Variants in FANCI observed in about 807,000 individuals in gnomAD.
The protein encoded by FANCI is Fanconi anemia group I protein.
FANCI carries 156 observed loss-of-function variants against 176.1 expected under a neutral mutation model. The observed-to-expected ratio is 0.89, with a 90% CI of 0.78 to 1.01. The LOEUF (loss-of-function observed/expected upper bound fraction) is 1.01, where lower values mean the gene tolerates loss of function less well. Among genes scored for constraint, FANCI ranks in the 50% least tolerant of loss-of-function variants. The pLI, the probability that FANCI is intolerant of heterozygous loss-of-function variation, is 0.00. For missense variants in FANCI, 1,678 were observed against 1,534.1 expected, an observed-to-expected ratio of 1.09 and a Z score of -1.57; for synonymous variants, 613 against 541.7, an observed-to-expected ratio of 1.13 and a Z score of -1.83.
chr15:89,270,709 C>T (rs2053168319), intron 10 of FANCI, among the ~76,000 whole-genome samples: 1 of 152,100 alleles, frequency 6.6e-6, no homozygotes, highest in South Asian at 2.1e-4. Flanking sequence ...TTATTCATTA[C>T]TGTCATTATT....
In FANCI at chr15:89,292,975, A is replaced by G. The variant is rs377308647; in HGVS notation, c.2203A>G (p.Ile735Val). Residue 735 changes from isoleucine (I) to valine (V), a missense_variant, in exon 22 of 38, where the codon ATT becomes GTT. This residue lies in a region of FANCI where 1,204 missense variants were observed against 1,077.4 expected (regional missense o/e 1.12). Transcript: ENST00000310775. The stretch of plus-strand genomic sequence containing the variant: ...AGCAGATTTTTCTCAGAGCACCAGT[A>G]TTGGCATAAAAAATAATATCTGTGC... ...KSADFSQSTS[I>V]GIKNNICAFL... 129 of 1,614,000 alleles carry G rather than the reference A, an allele frequency of 8.0e-5. No individual in the cohort carries two copies. Among genetic ancestry groups the G allele is most frequent in the Non-Finnish European group, 9.6e-5 (113 of 1,180,006 alleles).
rs1251654935 is a variant in FANCI at position 89,259,169 on chromosome 15, T to G, written c.157+393T>G. On this transcript the variant is annotated intron_variant, in intron 3 of 37. Coordinates refer to ENST00000310775, the MANE Select transcript of FANCI (RefSeq NM_001113378.2). ...TATCTTAAGGTGCCTTATATAGAGA[T>G]TCTTCATGCCCGCTGAGACGTATTT... 4 of 206,344 alleles carry G rather than the reference T, an allele frequency of 1.9e-5. No individual in the cohort carries two copies. The Admixed American group carries it at 2.1e-4, about 11-fold the overall frequency. 12.8% of individuals were successfully genotyped at this position (206,344 alleles called of 1,614,324 possible). A position where few individuals can be genotyped will look rare whatever the true frequency, so the allele number is the denominator to read the frequency against.
chr15:89,277,638 A>G (rs139392766), intron 13 of FANCI, among the ~76,000 whole-genome samples: 2 of 151,184 alleles, frequency 1.3e-5, no homozygotes, highest in East Asian at 3.9e-4. Flanking sequence ...AAAAAGAATC[A>G]TACTTATTGG....
chr15:89,250,056 A>G (rs1430958557), intron 2 of FANCI, among the ~76,000 whole-genome samples: 3 of 152,204 alleles, frequency 2.0e-5, no homozygotes, highest in South Asian at 2.1e-4. Context: ...TGAAAACCGA[A>G]ACTAAAAGTC....
intron 10 of FANCI, 139 bp downstream of exon 10, chr15:89,268,664 T>C (rs1332724289): frequency 4.0e-6 from 4 of 1,007,208 alleles, no homozygotes; most frequent in Non-Finnish European, 5.9e-6. Context: ...TTTTTTTTTT[T>C]ACTTTAAAAG....
At position 89,293,042 on chromosome 15, in the gene FANCI, A is replaced by G. The variant is rs111883566; in HGVS notation, c.2270A>G (p.Asn757Ser). 53 of 1,613,708 alleles carry G rather than the reference A, an allele frequency of 3.3e-5. 1 individual carries two copies. In the African/African-American group the frequency reaches 3.3e-4, roughly 10 times the overall value. ...MGVCEVLIEY[N>S]FSISSFSKNR... The stretch of plus-strand genomic sequence containing the variant: ...GTTTGTGAGGTTTTAATAGAATACA[A>G]TTTCTCCATAAGTAGTTTCAGGTAA... Residue 757 changes from asparagine (N) to serine (S), a missense_variant, in exon 22 of 38, where the codon AAT becomes AGT. Transcript: ENST00000310775.
intron 17 of FANCI, 120 bp downstream of exon 17, chr15:89,283,370 C>CTGA: frequency 1.4e-6 from 2 of 1,447,836 alleles, no homozygotes; most frequent in Non-Finnish European, 9.5e-7. Flanking sequence ...ACTAAAGAGT[C>CTGA]TGATGATGAT....
chr15:89,278,164 C>G (rs748914980), intron 13 of FANCI, among the ~76,000 whole-genome samples: 1 of 152,122 alleles, frequency 6.6e-6, no homozygotes, highest in Non-Finnish European at 1.5e-5. Flanking sequence ...GAGGTCTGAA[C>G]GAATTAGTCT....
chr15:89,275,415 G>A (rs966610971), intron 12 of FANCI, among the ~76,000 whole-genome samples: 1 of 152,110 alleles, frequency 6.6e-6, no homozygotes, highest in Non-Finnish European at 1.5e-5. Flanking sequence ...ATTAGCTGTT[G>A]TAACAGTCTT....
chr15:89,249,100 A>G (rs979065185), intron 2 of FANCI, among the ~76,000 whole-genome samples: 8 of 152,182 alleles, frequency 5.3e-5, no homozygotes, highest in African/African-American at 1.9e-4. Context: ...ATCATTTTGT[A>G]TGATTCTGCT....
chr15:89,255,599 C>T lies in FANCI; in HGVS notation c.85-3105C>T, dbSNP rs541234526. On this transcript the variant is annotated intron_variant, in intron 2 of 37. Transcript: ENST00000310775. ...TATCACCTGTGTTCTTGTGAGACCG[C>T]ATAAACTCAATCTAGCCACAAGGAA... Among the ~76,000 whole-genome samples the T allele has an allele frequency of 2.0e-5, 3 of 152,222 alleles. No homozygotes were observed. In the East Asian group the frequency reaches 5.8e-4, roughly 29 times the overall value.
chr15:89,282,709 T>C (rs1374572791), intron 16 of FANCI: 1 of 240,092 alleles, frequency 4.2e-6, no homozygotes, highest in East Asian at 9.6e-5. Flanking sequence ...AGAAGACAAG[T>C]GTGACATTTT....
At chr15:89,305,883 G>T in intron 31 of FANCI, 124 bp from the exon 32 acceptor site, 1 of 1,080,506 alleles carries the variant, frequency 9.3e-7, no homozygotes, top group South Asian at 1.3e-5. Context: ...AATTCACTCT[G>T]CATATTGAAT....
rs756408225 is a variant in FANCI, at chr15:89,268,551, T to G, written c.882+26T>G. On this transcript the variant is annotated intron_variant, in intron 10 of 37. Coordinates refer to ENST00000310775, the MANE Select transcript of FANCI (RefSeq NM_001113378.2). The stretch of plus-strand genomic sequence containing the variant: ...GTAGCATCAAACTTGTAAGGTGATC[T>G]GGGTCTCTTTTGAATGAAAGTGTTT... 3 of 1,613,806 alleles carry G rather than the reference T, an allele frequency of 1.9e-6. No individual in the cohort carries two copies. The East Asian group carries it at 6.7e-5, about 36-fold the overall frequency.
At chr15:89,315,578 G>T (rs1358888149) in intron 37 of FANCI, among the ~76,000 whole-genome samples, 189 bp downstream of exon 37, 1 of 152,222 alleles carries the variant, frequency 6.6e-6, no homozygotes, top group Non-Finnish European at 1.5e-5. Context: ...CTATGAAGTT[G>T]CCCCGACTTG....
intron 1 of FANCI, among the ~76,000 whole-genome samples, chr15:89,244,589 C>G (rs1240840572): frequency 6.6e-6 from 1 of 152,218 alleles, no homozygotes; most frequent in African/African-American, 2.4e-5. Flanking sequence ...GCAAATGTGC[C>G]TAGGTTGATT....
Position 89,281,789 on chromosome 15 carries a change from A to T in FANCI, c.1537A>T (p.Met513Leu). 1 of 1,613,948 alleles carries T rather than the reference A, an allele frequency of 6.2e-7. No individual in the cohort carries two copies. The highest frequency in any genetic ancestry group is 8.5e-7 in the Non-Finnish European group (1 of 1,179,920). The stretch of plus-strand genomic sequence containing the variant: ...GCCCCTTCTCAAAGTCAGCATGTCA[A>T]TGAGAGACTGCTTGATACTTGTCCT... The part of the protein sequence containing the change: ...VQPLLKVSMS[M>L]RDCLILVLRK... Residue 513 changes from methionine (M) to leucine (L), a missense_variant, in exon 16 of 38, where the codon ATG (methionine) becomes TTG (leucine). Physicochemically the swap from Met to Leu is conservative, Grantham distance 15. Coordinates refer to ENST00000310775, the MANE Select transcript of FANCI (RefSeq NM_001113378.2).
chr15:89,295,108 AC>A lies in FANCI; in HGVS notation c.2636+18del. On this transcript the variant is annotated intron_variant, in intron 24 of 37. Transcript: ENST00000310775. Reference sequence around the variant, plus strand: ...TGACATAACTCGGTAAGCCACTCCCACCCCTTAGAAACTTATTCCACTTGGC... The same window carrying A: ...TGACATAACTCGGTAAGCCACTCCCACCCTTAGAAACTTATTCCACTTGGC... The A allele has an allele frequency of 6.5e-7, 1 of 1,549,610 alleles. No individual in the cohort carries two copies. Among genetic ancestry groups the A allele is most frequent in the Non-Finnish European group, 8.7e-7 (1 of 1,146,514 alleles).
At chr15:89,304,758 T>A (rs1054308881) in intron 28 of FANCI, among the ~76,000 whole-genome samples, 4 of 151,058 alleles carry the variant, frequency 2.6e-5, no homozygotes, top group Non-Finnish European at 5.9e-5. Context: ...CTGAGGGACC[T>A]GACTGGGTTA....
Sources: gnomAD v4.1 joint callset for allele counts (sites outside exome capture counted in the v4.1 genomes callset) on GRCh38, gnomAD v4.1.1 for gene constraint, gnomAD v4.1.1 regional missense constraint, MANE v1.5 for transcripts, NCBI Gene and HGNC (gene_info 2026-07-23, HGNC 2026-07-21) for gene names.